Variants in DSC3 observed in about 807,000 individuals in gnomAD.
The protein encoded by DSC3 is desmocollin-3.
DSC3 carries 97 observed loss-of-function variants against 89.5 expected under a neutral mutation model. That is an observed-to-expected ratio of 1.08 (90% CI 0.92 to 1.28). The LOEUF is 1.28. DSC3 is among the 50% of genes most tolerant of loss of function. DSC3 has a pLI of 0.00. For synonymous variants in DSC3, 436 were observed against 384.1 expected (o/e 1.14, Z -1.58); for missense variants, 1,199 against 1,085.3 (o/e 1.10, Z -1.47).
At chr18:31,018,584 G>T in intron 8 of DSC3, 82 bp downstream of exon 8, 1 of 1,418,466 alleles carries the variant, frequency 7.0e-7, no homozygotes, top group Non-Finnish European at 9.9e-7. Context: ...GATACTTCAT[G>T]AAGTATTAAT....
intron 1 of DSC3, among the ~76,000 whole-genome samples, chr18:31,033,493 GAAAT>G (rs1480109184): frequency 1.3e-5 from 2 of 152,008 alleles, no homozygotes; most frequent in East Asian, 1.9e-4. Flanking sequence ...CATTTCAAGA[GAAAT>G]AAATAGTCTT....
rs1372261627 is a variant in DSC3, at chr18:30,993,181, G to C, written c.*994C>G. The C allele has an allele frequency of 6.6e-6, 1 of 152,104 alleles. No individual in the cohort carries two copies. Among genetic ancestry groups the C allele is most frequent in the African/African-American group, 2.4e-5 (1 of 41,406 alleles). 9.4% of individuals were successfully genotyped at this position (152,104 alleles called of 1,614,324 possible). On this transcript the variant is annotated 3_prime_UTR_variant, in exon 16 of 16. Coordinates refer to ENST00000360428, the MANE Select transcript of DSC3 (RefSeq NM_001941.5). ...CTTCAGTAAAGGTAAGTTTTAAAAT[G>C]TTTTTGTTATTAGCTCCCCGAAAAA...
At position 30,993,227 on chromosome 18, in the gene DSC3, T is replaced by C. The variant is rs1984334628; in HGVS notation, c.*948A>G. 6.6e-6 allele frequency: 1 copy of C among 152,166 alleles called. No homozygotes were observed. Among genetic ancestry groups the C allele is most frequent in the South Asian group, 2.1e-4 (1 of 4,832 alleles). 9.4% of individuals were successfully genotyped at this position (152,166 alleles called of 1,614,324 possible). ...AAAAAAACACCTCATCTCTGGACCC[T>C]TGCTACCAAAAAGCAGGGAACCCCA... is the stretch of plus-strand genomic sequence containing the variant. On this transcript the variant is annotated 3_prime_UTR_variant, in exon 16 of 16. Coordinates refer to ENST00000360428, the MANE Select transcript of DSC3 (RefSeq NM_001941.5).
intron 9 of DSC3, 34 bp downstream of exon 9, chr18:31,018,037 A>G: frequency 6.4e-7 from 1 of 1,574,252 alleles, no homozygotes. Flanking sequence ...AAAACCTGTT[A>G]ATTTGCTAAG....
Position 31,022,502 on chromosome 18 carries a change from C to A in DSC3, c.776G>T (p.Gly259Val), listed in dbSNP as rs553869744. 23 of 1,613,896 alleles carry A rather than the reference C, an allele frequency of 1.4e-5. No homozygotes were observed. The East Asian group carries it at 4.9e-4, about 34-fold the overall frequency. Residue 259 changes from glycine (G) to valine (V), a missense_variant and splice_region_variant, in exon 7 of 16, where the codon GGT (glycine) becomes GTT (valine). Coordinates refer to ENST00000360428, the MANE Select transcript of DSC3 (RefSeq NM_001941.5). Reference protein sequence around the residue: ...NFEVLESSRPGTTVGVVCATD... With the variant: ...NFEVLESSRPVTTVGVVCATD... ...GGCACAAACCACCCCCACTGTAGTA[C>A]CTACACATTAAAAAATAAAACAGCC...
At chr18:31,026,811 G>T (rs1247742423) in intron 4 of DSC3, among the ~76,000 whole-genome samples, 1 of 152,072 alleles carries the variant, frequency 6.6e-6, no homozygotes, top group Admixed American at 6.6e-5. Flanking sequence ...CTAAGGTCAG[G>T]ACAAGGGAAT....
chr18:31,025,654 C>A, intron 5 of DSC3, 106 bp downstream of exon 5: 1 of 1,207,116 alleles, frequency 8.3e-7, no homozygotes, highest in Non-Finnish European at 1.2e-6. Context: ...CTCTAAGATA[C>A]CCTCTAAGAA....
In DSC3 at chr18:31,004,363, G is replaced by A. The variant is rs752760266; in HGVS notation, c.1892C>T (p.Thr631Ile). 40 of 1,612,080 alleles carry A rather than the reference G, an allele frequency of 2.5e-5. No individual in the cohort carries two copies. The highest frequency in any genetic ancestry group is 1.5e-4 in the African/African-American group (11 of 74,814). The change falls in exon 13 of 16, where the codon ACA becomes ATA. Residue 631 changes from threonine (T) to isoleucine (I), a missense_variant. Physicochemically the swap from Thr to Ile is moderately conservative, Grantham distance 89. Coordinates refer to ENST00000360428, the MANE Select transcript of DSC3 (RefSeq NM_001941.5). ...RLWSLTKVND[T>I]AARLSYQKNA... ...TTTCTGATATGAAAGACGGGCAGCTGTATCTGAAAGAAAATAAAAGAAGTT... is the reference window on the plus strand; with the variant it reads ...TTTCTGATATGAAAGACGGGCAGCTATATCTGAAAGAAAATAAAAGAAGTT...
intron 1 of DSC3, among the ~76,000 whole-genome samples, chr18:31,039,754 A>G (rs1229538757): frequency 2.0e-5 from 3 of 152,204 alleles, no homozygotes; most frequent in African/African-American, 7.2e-5. Flanking sequence ...GCATGAGCTT[A>G]CATTTATTTA....
chr18:31,042,574 C>G lies in DSC3; in HGVS notation c.69+18G>C. 2 of 1,550,012 alleles carry G rather than the reference C, an allele frequency of 1.3e-6. No homozygotes were observed. Among genetic ancestry groups the G allele is most frequent in the Non-Finnish European group, 1.7e-6 (2 of 1,146,498 alleles). On this transcript the variant is annotated intron_variant, in intron 1 of 15. Coordinates refer to ENST00000360428, the MANE Select transcript of DSC3 (RefSeq NM_001941.5). ...CCCCCGTCCCCACCCCAGCCCTATCCGGCGAGATCTGGCTTACCACGAGGG... is the reference window on the plus strand; with the variant it reads ...CCCCCGTCCCCACCCCAGCCCTATCGGGCGAGATCTGGCTTACCACGAGGG...
intron 14 of DSC3, 79 bp downstream of exon 14, chr18:31,001,539 C>G: frequency 6.6e-7 from 1 of 1,509,178 alleles, no homozygotes; most frequent in East Asian, 2.3e-5. Context: ...TAAATTAACT[C>G]CTAAATTTTG....
At chr18:31,039,764 A>G (rs1027928536) in intron 1 of DSC3, among the ~76,000 whole-genome samples, 1 of 152,206 alleles carries the variant, frequency 6.6e-6, no homozygotes, top group Admixed American at 6.5e-5. Context: ...ACATTTATTT[A>G]TTCAGAACGT....
chr18:31,031,142 T>A lies in DSC3; in HGVS notation c.185A>T (p.Asp62Val). Residue 62 changes from aspartate to valine, a missense_variant, in exon 3 of 16, where the codon GAC (aspartate) becomes GTC (valine). By Grantham distance (152) the Asp-to-Val change is radical. Transcript: ENST00000360428. ...ATCAGGATCACTTGACCGGATGAGG[T>A]CTGCAGACCTGAAGCACTCTTCCAA... is the stretch of plus-strand genomic sequence containing the variant. Reference protein sequence around the residue: ...VNLEECFRSADLIRSSDPDFR... With the variant: ...VNLEECFRSAVLIRSSDPDFR... 6.2e-7 allele frequency: 1 copy of A among 1,613,034 alleles called. No individual in the cohort carries two copies. The highest frequency in any genetic ancestry group is 8.5e-7 in the Non-Finnish European group (1 of 1,179,646).
intron 4 of DSC3, among the ~76,000 whole-genome samples, chr18:31,028,864 C>G (rs1266121816): frequency 6.6e-6 from 1 of 152,028 alleles, no homozygotes; most frequent in Non-Finnish European, 1.5e-5. Flanking sequence ...TGACCCCTAC[C>G]TCCCTCTTCA....
At chr18:30,998,787 C>G (rs1273459901) in intron 14 of DSC3, among the ~76,000 whole-genome samples, 1 of 151,932 alleles carries the variant, frequency 6.6e-6, no homozygotes, top group Non-Finnish European at 1.5e-5. Context: ...ATGTTAACAA[C>G]AACAACAGAA....
At chr18:31,015,603 C>T (rs1205765809) in intron 9 of DSC3, among the ~76,000 whole-genome samples, 1 of 152,038 alleles carries the variant, frequency 6.6e-6, no homozygotes, top group Non-Finnish European at 1.5e-5. Flanking sequence ...CAAGACAAAA[C>T]CTCTGATATT....
rs1984316053 is a variant in DSC3, at chr18:30,992,825, C to T, written c.*1350G>A. ...AAGGATGGTGGAAAACCTGGAGTCA[C>T]TTAAGGGAATCTCTGCTGGAGGTGT... On this transcript the variant is annotated 3_prime_UTR_variant, in exon 16 of 16. Coordinates refer to ENST00000360428, the MANE Select transcript of DSC3 (RefSeq NM_001941.5). 1.3e-5 allele frequency: 2 copies of T among 152,200 alleles called. No homozygotes were observed. Among genetic ancestry groups the T allele is most frequent in the Admixed American group, 1.3e-4 (2 of 15,286 alleles). The allele number at this position is 152,200 out of a possible 1,614,324, so 9.4% of individuals were successfully genotyped here.
At chr18:31,013,861 G>A (rs545107486) in intron 9 of DSC3, among the ~76,000 whole-genome samples, 81 of 152,240 alleles carry the variant, frequency 5.3e-4, no homozygotes, top group Non-Finnish European at 7.4e-4. Flanking sequence ...GAAAAAAATA[G>A]CCATGTCCTT....
At chr18:31,020,281 G>T (rs889895647) in intron 7 of DSC3, among the ~76,000 whole-genome samples, 1 of 152,112 alleles carries the variant, frequency 6.6e-6, no homozygotes, top group African/African-American at 2.4e-5. Context: ...AAGAGCCTCG[G>T]ATGTAAGGAC....
Sources: allele counts gnomAD v4.1 joint callset (sites outside exome capture counted in the v4.1 genomes callset), GRCh38; gene constraint gnomAD v4.1.1; transcripts MANE v1.5; gene names NCBI Gene and HGNC (gene_info 2026-07-23, HGNC 2026-07-21).